Variants in HTR1F observed in about 807,000 individuals in gnomAD.
HTR1F encodes the protein 5-hydroxytryptamine receptor 1F.
Under a neutral mutation model 24.0 loss-of-function variants are expected in HTR1F, and 17 were observed. The observed-to-expected ratio is 0.71, with a 90% CI of 0.48 to 1.06. The LOEUF (loss-of-function observed/expected upper bound fraction) is 1.06. Among genes scored for constraint, HTR1F ranks in the 50% least tolerant of loss-of-function variants. The pLI, the probability that HTR1F is intolerant of heterozygous loss-of-function variation, is 0.00. For missense variants in HTR1F, 391 were observed against 427.8 expected, an observed-to-expected ratio of 0.91 and a Z score of 0.76; for synonymous variants, 186 against 156.8, an observed-to-expected ratio of 1.19 and a Z score of -1.39.
At chr3:87,939,818 T>C (rs80078190) in intron 2 of HTR1F, among the ~76,000 whole-genome samples, 1 of 152,238 alleles carries the variant, frequency 6.6e-6, no homozygotes, top group Non-Finnish European at 1.5e-5. Flanking sequence ...AACCAGCTCC[T>C]GGATTCATTG....
chr3:87,930,686 G>C (rs1046099920), intron 2 of HTR1F, among the ~76,000 whole-genome samples: 9 of 152,118 alleles, frequency 5.9e-5, no homozygotes, highest in Non-Finnish European at 1.3e-4. Flanking sequence ...GATTCAGCTT[G>C]CCAGTATTTT....
intron 2 of HTR1F, among the ~76,000 whole-genome samples, chr3:87,852,595 A>G (rs1214707811): frequency 6.6e-6 from 1 of 151,536 alleles, no homozygotes; most frequent in Non-Finnish European, 1.5e-5. Context: ...TAAATTTATT[A>G]TTATTATATT....
chr3:87,869,557 G>A (rs1019926179), intron 2 of HTR1F, among the ~76,000 whole-genome samples: 1 of 152,008 alleles, frequency 6.6e-6, no homozygotes, highest in African/African-American at 2.4e-5. Context: ...AGGGTGAGTC[G>A]ATAAACTGGA....
At chr3:87,802,697 A>G (rs1377793308) in intron 1 of HTR1F, among the ~76,000 whole-genome samples, 2 of 152,160 alleles carry the variant, frequency 1.3e-5, no homozygotes, top group African/African-American at 2.4e-5. Flanking sequence ...TGACCAGTGT[A>G]TTAATAGCTA....
chr3:87,898,892 G>C (rs553376079), intron 2 of HTR1F, among the ~76,000 whole-genome samples: 69 of 152,146 alleles, frequency 4.5e-4, no homozygotes, highest in African/African-American at 1.7e-3. Context: ...AGTTATTTCT[G>C]AGGCAAAACA....
At chr3:87,810,043 A>T (rs539570761) in intron 1 of HTR1F, among the ~76,000 whole-genome samples, 18 of 152,198 alleles carry the variant, frequency 1.2e-4, no homozygotes, top group Non-Finnish European at 2.4e-4. Context: ...ACCTGATCAA[A>T]CAAGTTTCAG....
chr3:87,879,738 T>C (rs1705747819), intron 2 of HTR1F, among the ~76,000 whole-genome samples: 1 of 152,186 alleles, frequency 6.6e-6, no homozygotes, highest in Non-Finnish European at 1.5e-5. Context: ...TATTTCATTT[T>C]ATGGAGTTAA....
chr3:87,844,955 G>A (rs1313095851), intron 2 of HTR1F, among the ~76,000 whole-genome samples: 1 of 149,482 alleles, frequency 6.7e-6, no homozygotes, highest in African/African-American at 2.6e-5. Context: ...ATAGTTTGAA[G>A]TCAGGTAGTG....
Position 87,991,619 on chromosome 3 carries a change from A to G in HTR1F, c.870A>G (p.Lys290=), listed in dbSNP as rs1212785893. Residue 290 remains lysine (K), a synonymous_variant, in exon 3 of 3, where the codon AAA becomes AAG. Transcript: ENST00000319595. The stretch of plus-strand genomic sequence containing the variant: ...AGATCTCAGGTACAAGAGAACGGAA[A>G]GCAGCCACTACCCTGGGATTAATCT... ...RQKISGTRER[K]AATTLGLILG... 8 of 1,613,826 alleles carry G rather than the reference A, an allele frequency of 5.0e-6. No individual in the cohort carries two copies. The highest frequency in any genetic ancestry group is 6.8e-6 in the Non-Finnish European group (8 of 1,179,960).
At chr3:87,856,323 T>C (rs541668233) in intron 2 of HTR1F, among the ~76,000 whole-genome samples, 1 of 152,158 alleles carries the variant, frequency 6.6e-6, no homozygotes, top group African/African-American at 2.4e-5. Flanking sequence ...AGAATCCTTA[T>C]TGTGTAATCA....
intron 2 of HTR1F, among the ~76,000 whole-genome samples, chr3:87,843,159 C>A (rs1275720457): frequency 6.6e-6 from 1 of 151,798 alleles, no homozygotes; most frequent in Non-Finnish European, 1.5e-5. Flanking sequence ...CACTCAAAAA[C>A]AATCTCAGAA....
At chr3:87,857,478 TAATA>T (rs1010192937) in intron 2 of HTR1F, among the ~76,000 whole-genome samples, 2 of 152,138 alleles carry the variant, frequency 1.3e-5, no homozygotes, top group African/African-American at 4.8e-5. Flanking sequence ...TATTTTTCCA[TAATA>T]AATAGACCCA....
At chr3:87,797,102 T>C (rs1244500439) in intron 1 of HTR1F, among the ~76,000 whole-genome samples, 1 of 152,226 alleles carries the variant, frequency 6.6e-6, no homozygotes, top group African/African-American at 2.4e-5. Context: ...TTAAATAGCA[T>C]GTCATTCTGA....
At chr3:87,919,120 G>C (rs1703956410) in intron 2 of HTR1F, among the ~76,000 whole-genome samples, 1 of 152,028 alleles carries the variant, frequency 6.6e-6, no homozygotes, top group Non-Finnish European at 1.5e-5. Context: ...ACATAAAGTG[G>C]AGAAAGGACA....
chr3:87,871,412 G>C (rs893657490), intron 2 of HTR1F, among the ~76,000 whole-genome samples: 2 of 151,928 alleles, frequency 1.3e-5, no homozygotes, highest in African/African-American at 4.8e-5. Flanking sequence ...GGACTTATGG[G>C]GTACTGTCAA....
At position 87,907,943 on chromosome 3, in the gene HTR1F, A is replaced by G. The variant is rs73129405; in HGVS notation, c.-42-82765A>G. 5.3e-3 allele frequency among the ~76,000 whole-genome samples: 805 copies of G among 152,158 alleles called. 3 individuals are homozygous for G. Among genetic ancestry groups the G allele is most frequent in the Middle Eastern group, 0.021 (6 of 292 alleles). ...TAGTATAAGTTTCTGTCTGGAAACA[A>G]TTTGAAAGTATGTGTTGAATTTATT... On this transcript the variant is annotated intron_variant, in intron 2 of 2. Transcript: ENST00000319595.
At chr3:87,873,731 G>T (rs1286649633) in intron 2 of HTR1F, among the ~76,000 whole-genome samples, 1 of 152,126 alleles carries the variant, frequency 6.6e-6, no homozygotes, top group East Asian at 1.9e-4. Context: ...TATACATCAT[G>T]ACCAAATGGG....
intron 2 of HTR1F, among the ~76,000 whole-genome samples, chr3:87,983,501 C>G (rs1423631006): frequency 1.3e-5 from 2 of 152,148 alleles, no homozygotes; most frequent in Non-Finnish European, 2.9e-5. Flanking sequence ...GCAATCTCAT[C>G]TTTTTGTCAT....
At chr3:87,954,303 C>A (rs1704898054) in intron 2 of HTR1F, among the ~76,000 whole-genome samples, 1 of 151,614 alleles carries the variant, frequency 6.6e-6, no homozygotes, top group African/African-American at 2.4e-5. Context: ...ATCACTTGTA[C>A]CCTATAAATA....
Sources: allele counts gnomAD v4.1 joint callset (sites outside exome capture counted in the v4.1 genomes callset), GRCh38; gene constraint gnomAD v4.1.1; transcripts MANE v1.5; gene names NCBI Gene and HGNC (gene_info 2026-07-23, HGNC 2026-07-21).